TCF4: variants seen among roughly 807,000 people sequenced by gnomAD.
TCF4 encodes transcription factor 4.
Under a neutral mutation model 82.1 loss-of-function variants are expected in TCF4, and 3 were observed. That is an observed-to-expected ratio of 0.04 (90% CI 0.02 to 0.09). The LOEUF is 0.09. Among genes scored for constraint, TCF4 ranks in the 10% least tolerant of loss-of-function variants. TCF4 has a pLI of 1.00. For missense variants in TCF4, 518 were observed against 852.7 expected, an observed-to-expected ratio of 0.61 and a Z score of 4.89; for synonymous variants, 276 against 309.6, an observed-to-expected ratio of 0.89 and a Z score of 1.14.
intron 17 of TCF4, chr18:55,232,286 T>G (rs1164788009): frequency 3.8e-6 from 2 of 525,646 alleles, no homozygotes; most frequent in Non-Finnish European, 6.7e-6. Context: ...CTGTGTGTCA[T>G]TAGCATTGGG....
chr18:55,365,158 T>TATAG (rs1377452398), intron 6 of TCF4, among the ~76,000 whole-genome samples: 4 of 36,868 alleles, frequency 1.1e-4, no homozygotes, highest in Admixed American at 1.0e-3. Context: ...ATCTCCAAAA[T>TATAG]ATATATATAT....
chr18:55,326,241 G>A (rs2076529288), intron 8 of TCF4, among the ~76,000 whole-genome samples: 1 of 152,034 alleles, frequency 6.6e-6, no homozygotes, highest in Non-Finnish European at 1.5e-5. Flanking sequence ...TCACAGGTTT[G>A]AGTGTTAGTT....
upstream of TCF4, chr18:55,589,839 C>T: frequency 1.0e-6 from 1 of 1,004,406 alleles, no homozygotes; most frequent in South Asian, 4.7e-5. Context: ...GCTGCTCCTC[C>T]AGACAATGAC....
At chr18:55,628,764 C>A (rs2148000535) in intron 2 of TCF4, among the ~76,000 whole-genome samples, 1 of 152,232 alleles carries the variant, frequency 6.6e-6, no homozygotes, top group African/African-American at 2.4e-5. Context: ...ACAAAAGAAC[C>A]ATTATTTTGT....
At chr18:55,317,475 A>C (rs959589056) in intron 8 of TCF4, among the ~76,000 whole-genome samples, 1 of 152,106 alleles carries the variant, frequency 6.6e-6, no homozygotes, top group Non-Finnish European at 1.5e-5. Context: ...TGGAAACTTT[A>C]AAACCCAGTG....
chr18:55,609,843 T>C (rs2097705510), intron 2 of TCF4, among the ~76,000 whole-genome samples: 1 of 152,154 alleles, frequency 6.6e-6, no homozygotes, highest in Admixed American at 6.5e-5. Context: ...GGGCCTTTCT[T>C]CTAATGTTAC....
intron 6 of TCF4, among the ~76,000 whole-genome samples, chr18:55,369,092 C>A (rs541540646): frequency 6.6e-6 from 1 of 152,128 alleles, no homozygotes; most frequent in African/African-American, 2.4e-5. Flanking sequence ...AAAATGGTGA[C>A]GTCTGTTGAA....
At chr18:55,253,050 GA>G (rs56814176) in intron 15 of TCF4, among the ~76,000 whole-genome samples, 1 of 152,024 alleles carries the variant, frequency 6.6e-6, no homozygotes, top group Non-Finnish European at 1.5e-5. Context: ...TCAAGGGAAA[GA>G]AAAAAAGATT....
At chr18:55,601,777 T>A (rs1428380849) in intron 2 of TCF4, among the ~76,000 whole-genome samples, 1 of 152,106 alleles carries the variant, frequency 6.6e-6, no homozygotes, top group Non-Finnish European at 1.5e-5. Flanking sequence ...AGAGTGAGAC[T>A]CTGTCTTAAA....
At chr18:55,365,191 A>ATATATATATATATATATGTGTGTG (rs1361444592) in intron 6 of TCF4, among the ~76,000 whole-genome samples, 8 of 97,936 alleles carry the variant, frequency 8.2e-5, no homozygotes, top group African/African-American at 4.0e-4. Flanking sequence ...ATATATATAT[A>ATATATATATATATATATGTGTGTG]TGTGTGTGTG....
intron 6 of TCF4, among the ~76,000 whole-genome samples, chr18:55,383,068 A>G (rs1467042050): frequency 6.6e-6 from 1 of 152,230 alleles, no homozygotes; most frequent in Non-Finnish European, 1.5e-5. Context: ...ATCTGTGAGC[A>G]ACAACTTGGA....
intron 17 of TCF4, chr18:55,229,536 G>C (rs2047280050): frequency 5.9e-6 from 1 of 170,466 alleles, no homozygotes; most frequent in South Asian, 1.3e-4. Flanking sequence ...CTGAAATCTA[G>C]GGGAAACAAG....
chr18:55,366,001 G>GATATAGATATAGATATAGAT (rs1569210914), intron 6 of TCF4, among the ~76,000 whole-genome samples: 3 of 142,958 alleles, frequency 2.1e-5, no homozygotes, highest in African/African-American at 8.5e-5. Context: ...TATAGATATA[G>GATATAGATATAGATATAGAT]ATATAGATAT....
intron 13 of TCF4, among the ~76,000 whole-genome samples, chr18:55,258,912 C>T (rs1348547274): frequency 1.3e-5 from 2 of 152,116 alleles, no homozygotes; most frequent in African/African-American, 4.8e-5. Flanking sequence ...CAATCGCTTC[C>T]CAGTTTCAAC....
intron 3 of TCF4, among the ~76,000 whole-genome samples, chr18:55,486,801 TAAG>T (rs1568197252): frequency 6.6e-6 from 1 of 152,130 alleles, no homozygotes; most frequent in Non-Finnish European, 1.5e-5. Context: ...TCATGAAAGG[TAAG>T]AAGATCTGGG....
At chr18:55,510,471 CCA>C in intron 3 of TCF4, 1 of 816,428 alleles carries the variant, frequency 1.2e-6, no homozygotes, top group Non-Finnish European at 1.7e-6. Context: ...TGTAAAAACC[CCA>C]GTCAAATATG....
At chr18:55,487,806 G>T (rs2096533551) in intron 3 of TCF4, among the ~76,000 whole-genome samples, 1 of 151,706 alleles carries the variant, frequency 6.6e-6, no homozygotes, top group African/African-American at 2.4e-5. Context: ...ATGTAAAACA[G>T]ATTTGAAATG....
chr18:55,432,529 G>A (rs576369182), intron 5 of TCF4, among the ~76,000 whole-genome samples: 78 of 152,164 alleles, frequency 5.1e-4, no homozygotes, highest in African/African-American at 1.8e-3. Flanking sequence ...GGAGACTGGG[G>A]AGTTTAAGTG....
chr18:55,324,825 C>CT (rs2076285166), intron 8 of TCF4, among the ~76,000 whole-genome samples: 1 of 152,108 alleles, frequency 6.6e-6, no homozygotes, highest in Non-Finnish European at 1.5e-5. Flanking sequence ...ACCCAGTTGT[C>CT]TTTTTCTGCC....
Sources: gnomAD v4.1 joint callset for allele counts (sites outside exome capture counted in the v4.1 genomes callset) on GRCh38, gnomAD v4.1.1 for gene constraint, MANE v1.5 for transcripts, NCBI Gene and HGNC (gene_info 2026-07-23, HGNC 2026-07-21) for gene names.